The following BMPR2 variants were observed in gnomAD, a reference collection of about 807,000 sequenced individuals.
BMPR2 encodes bone morphogenetic protein receptor type 2.
A neutral mutation model predicts 100.8 loss-of-function variants in BMPR2; 29 were observed. The observed-to-expected ratio is 0.29, with a 90% CI of 0.21 to 0.39. The LOEUF (loss-of-function observed/expected upper bound fraction) is 0.39. Among genes scored for constraint, BMPR2 ranks in the 10% least tolerant of loss-of-function variants. The pLI is 1.00. For missense variants in BMPR2, 1,011 were observed against 1,274.5 expected (o/e 0.79, Z 3.15); for synonymous variants, 382 against 442.3 (o/e 0.86, Z 1.71).
chr2:202,504,948 G>A (rs1687490651), intron 3 of BMPR2: 1 of 153,540 alleles, frequency 6.5e-6, no homozygotes, highest in Non-Finnish European at 1.4e-5. Context: ...CAAAGTGCTG[G>A]GATTACAGGC....
At chr2:202,461,415 C>T (rs944249319) in intron 1 of BMPR2, among the ~76,000 whole-genome samples, 2 of 151,974 alleles carry the variant, frequency 1.3e-5, no homozygotes, top group African/African-American at 2.4e-5. Context: ...ACCCGGGAGA[C>T]GGAGGTTGCA....
At chr2:202,484,205 C>G (rs994482432) in intron 3 of BMPR2, among the ~76,000 whole-genome samples, 13 of 152,208 alleles carry the variant, frequency 8.5e-5, no homozygotes, top group African/African-American at 2.9e-4. Flanking sequence ...TCAACTGTTA[C>G]AGGAACTACT....
chr2:202,530,379 G>C (rs1283927146), intron 7 of BMPR2, among the ~76,000 whole-genome samples: 1 of 152,094 alleles, frequency 6.6e-6, no homozygotes, highest in Non-Finnish European at 1.5e-5. Flanking sequence ...AGCCATAGGA[G>C]AGCAGTTTAA....
chr2:202,437,582 A>T (rs970119006), intron 1 of BMPR2, among the ~76,000 whole-genome samples: 1 of 150,394 alleles, frequency 6.6e-6, no homozygotes, highest in African/African-American at 2.5e-5. Context: ...TTCTTACACC[A>T]CTAAGAAGTC....
chr2:202,419,271 G>T (rs2105922517), intron 1 of BMPR2, among the ~76,000 whole-genome samples: 1 of 152,232 alleles, frequency 6.6e-6, no homozygotes, highest in South Asian at 2.1e-4. Context: ...TATTTAAAAT[G>T]CCATGTACTA....
At position 202,391,018 on chromosome 2, in the gene BMPR2, G is replaced by A. The variant is rs564993070; in HGVS notation, c.76+13468G>A. 4.4e-5 allele frequency among the ~76,000 whole-genome samples: 5 copies of A among 112,676 alleles called. No homozygotes were observed. The East Asian group carries it at 8.3e-4, about 19-fold the overall frequency. 73.9% of individuals were successfully genotyped at this position (112,676 alleles called of 152,430 possible). Reference sequence around the variant, plus strand: ...TTTTTTTTTTTTTTTGGGAGATGGAGTTTCACTCTTGTTGCCCAGGCTGGG... The same window carrying A: ...TTTTTTTTTTTTTTTGGGAGATGGAATTTCACTCTTGTTGCCCAGGCTGGG... On this transcript the variant is annotated intron_variant, in intron 1 of 12. Coordinates refer to ENST00000374580, the MANE Select transcript of BMPR2 (RefSeq NM_001204.7).
At chr2:202,447,241 G>A (rs1439905673) in intron 1 of BMPR2, among the ~76,000 whole-genome samples, 2 of 150,302 alleles carry the variant, frequency 1.3e-5, no homozygotes, top group African/African-American at 2.5e-5. Flanking sequence ...CCTGGGAGGT[G>A]GAGGTTGCAG....
chr2:202,505,045 G>A lies in BMPR2; in HGVS notation c.419-8674G>A. ...GTGCTAGTTGGATATCTTTTGGCATGATTGTTACACGTTTGGCATGGATAA... is the reference window on the plus strand; with the variant it reads ...GTGCTAGTTGGATATCTTTTGGCATAATTGTTACACGTTTGGCATGGATAA... On this transcript the variant is annotated intron_variant, in intron 3 of 12. Transcript: ENST00000374580. 1.7e-5 allele frequency: 3 copies of A among 173,958 alleles called. 1 individual carries two copies. The highest frequency in any genetic ancestry group is 3.7e-5 in the Non-Finnish European group (3 of 80,942). 10.8% of individuals were successfully genotyped at this position (173,958 alleles called of 1,614,324 possible).
At chr2:202,523,819 AAAAG>A (rs1282954463) in intron 7 of BMPR2, among the ~76,000 whole-genome samples, 2 of 152,160 alleles carry the variant, frequency 1.3e-5, no homozygotes, top group Non-Finnish European at 2.9e-5. Context: ...AGAAAAAAGA[AAAAG>A]AAAATGTGTT....
intron 1 of BMPR2, among the ~76,000 whole-genome samples, chr2:202,384,569 T>TTTCTTTCTTTCTTTCTTTCTTTC (rs138215628): frequency 2.1e-5 from 2 of 93,504 alleles, no homozygotes; most frequent in African/African-American, 1.1e-4. Flanking sequence ...TCTTTCTTTC[T>TTTCTTTCTTTCTTTCTTTCTTTC]TTTTCTTTCT....
intron 3 of BMPR2, among the ~76,000 whole-genome samples, chr2:202,491,122 A>G (rs1393989511): frequency 3.3e-5 from 5 of 151,910 alleles, no homozygotes; most frequent in Non-Finnish European, 1.5e-5. Context: ...GGGTCTCGCC[A>G]TGTTGCCCAG....
intron 1 of BMPR2, among the ~76,000 whole-genome samples, chr2:202,390,442 C>G (rs542650547): frequency 9.9e-4 from 150 of 151,906 alleles, no homozygotes; most frequent in African/African-American, 3.5e-3. Flanking sequence ...AAGCCATCCT[C>G]CTGCCTCAGC....
At chr2:202,423,861 C>T (rs1691323908) in intron 1 of BMPR2, among the ~76,000 whole-genome samples, 1 of 152,050 alleles carries the variant, frequency 6.6e-6, no homozygotes. Flanking sequence ...TCAAGACCAG[C>T]CTGACCAACA....
intron 3 of BMPR2, among the ~76,000 whole-genome samples, chr2:202,469,961 CAAAT>C (rs1229492761): frequency 1.3e-5 from 2 of 152,132 alleles, no homozygotes; most frequent in Admixed American, 1.3e-4. Context: ...GAATTGCAAA[CAAAT>C]ACTGAACTCT....
chr2:202,452,235 A>G (rs1434507294), intron 1 of BMPR2, among the ~76,000 whole-genome samples: 2 of 152,150 alleles, frequency 1.3e-5, no homozygotes, highest in Non-Finnish European at 2.9e-5. Context: ...CTAGGATTTC[A>G]TATGAATGGA....
intron 1 of BMPR2, among the ~76,000 whole-genome samples, chr2:202,433,878 AGCCTGGC>A (rs1023059138): frequency 5.3e-5 from 8 of 150,504 alleles, no homozygotes; most frequent in African/African-American, 2.0e-4. Context: ...ACTACACTCC[AGCCTGGC>A]GACAGAGCGA....
At chr2:202,451,288 C>T (rs1248694327) in intron 1 of BMPR2, among the ~76,000 whole-genome samples, 1 of 152,174 alleles carries the variant, frequency 6.6e-6, no homozygotes, top group Admixed American at 6.5e-5. Flanking sequence ...CTTTTAATAA[C>T]ACGAATGAAA....
At chr2:202,516,552 C>T (rs11674882) in intron 5 of BMPR2, among the ~76,000 whole-genome samples, 13,039 of 152,132 alleles carry the variant, frequency 0.086, 743 homozygotes, top group East Asian at 0.2. Context: ...GTGGCACATG[C>T]CTGTAGTCCC....
rs762004301 is a variant in BMPR2 at position 202,377,192 on chromosome 2, C to A, written c.-283C>A. On this transcript the variant is annotated 5_prime_UTR_variant, in exon 1 of 13. Coordinates refer to ENST00000374580, the MANE Select transcript of BMPR2 (RefSeq NM_001204.7). ...AATTTGGGGGATTTCTTCTTGGCTC[C>A]CTGCTTTCCCCACAGACATGCCTTC... The A allele has an allele frequency of 5.0e-6, 3 of 594,346 alleles. No individual in the cohort carries two copies. The highest frequency in any genetic ancestry group is 9.0e-6 in the Non-Finnish European group (3 of 333,380). The allele number at this position is 594,346 out of a possible 1,614,324, so 36.8% of individuals were successfully genotyped here.
Sources: allele counts gnomAD v4.1 joint callset (sites outside exome capture counted in the v4.1 genomes callset), GRCh38; gene constraint gnomAD v4.1.1; transcripts MANE v1.5; gene names NCBI Gene and HGNC (gene_info 2026-07-23, HGNC 2026-07-21).